Variants in CASKIN1 observed in about 807,000 individuals in gnomAD.
The protein encoded by CASKIN1 is CASK interacting protein 1.
In CASKIN1, 42 loss-of-function variants were observed where a neutral mutation model predicts 117.5. The observed-to-expected ratio is 0.36, with a 90% CI of 0.28 to 0.46. The LOEUF (loss-of-function observed/expected upper bound fraction) is 0.46, where lower values mean the gene tolerates loss of function less well. CASKIN1 is among the 20% of genes least tolerant of loss of function. CASKIN1 has a pLI of 1.00. For missense variants in CASKIN1, 2,083 were observed against 2,077.3 expected (o/e 1.00, Z -0.05); for synonymous variants, 1,148 against 961.7 (o/e 1.19, Z -3.59).
At position 2,178,466 on chromosome 16, in the gene CASKIN1, C is replaced by T; in HGVS notation, c.*84G>A. ...CAGGGCCCTGCCCGGCCGCTCGCGC[C>T]GCGCCCAGACGCGCCCATCCTGAGG... On this transcript the variant is annotated 3_prime_UTR_variant, in exon 20 of 20. Transcript: ENST00000343516. 4 of 1,119,332 alleles carry T rather than the reference C, an allele frequency of 3.6e-6. No individual in the cohort carries two copies. The highest frequency in any genetic ancestry group is 3.2e-5 in the East Asian group (1 of 31,246). 69.3% of individuals were successfully genotyped at this position (1,119,332 alleles called of 1,614,324 possible).
Position 2,180,740 on chromosome 16 carries a change from G to C in CASKIN1, c.2628C>G (p.Pro876=). ...GATTCAGGCTGTGGGCCCGCTTCTT[G>C]GGCCGCCCCGGCTCCGCGTCGGCCT... is the stretch of plus-strand genomic sequence containing the variant. ...PPEADAEPGR[P]KKRAHSLNRY... Residue 876 remains proline, a synonymous_variant, in exon 18 of 20, where the codon CCC becomes CCG. Transcript: ENST00000343516. The C allele has an allele frequency of 2.8e-6, 4 of 1,442,492 alleles. No homozygotes were observed. Among genetic ancestry groups the C allele is most frequent in the Non-Finnish European group, 3.6e-6 (4 of 1,105,464 alleles). 89.4% of individuals were successfully genotyped at this position (1,442,492 alleles called of 1,614,324 possible). A position where few individuals can be genotyped will look rare whatever the true frequency, so the allele number is the denominator to read the frequency against.
rs774292421 is a variant in CASKIN1 at position 2,178,031 on chromosome 16, C to T, written c.*519G>A. 1.8e-5 allele frequency: 8 copies of T among 444,736 alleles called. No homozygotes were observed. Among genetic ancestry groups the T allele is most frequent in the African/African-American group, 4.1e-5 (2 of 48,350 alleles). The allele number at this position is 444,736 out of a possible 1,614,324, so 27.5% of individuals were successfully genotyped here. ...GTTTTCTATAGAATCAATAATATTT[C>T]TTTCTTTAAATATATATTTGTTAAA... On this transcript the variant is annotated 3_prime_UTR_variant, in exon 20 of 20. Coordinates refer to ENST00000343516, the MANE Select transcript of CASKIN1 (RefSeq NM_020764.4).
chr16:2,187,336 CT>C lies in CASKIN1; in HGVS notation c.726+16del. 6.2e-7 allele frequency: 1 copy of C among 1,613,350 alleles called. No individual in the cohort carries two copies. Among genetic ancestry groups the C allele is most frequent in the African/African-American group, 1.3e-5 (1 of 75,070 alleles). ...CTACAGTCCACTGGGCCCAGCGCCC[CT>C]GGGCCCCACACTCACATCCAGCAGC... On this transcript the variant is annotated intron_variant, in intron 7 of 19. Transcript: ENST00000343516.
In CASKIN1 at chr16:2,184,802, T is replaced by C; in HGVS notation, c.1391A>G (p.Lys464Arg). The C allele has an allele frequency of 1.3e-6, 2 of 1,534,764 alleles. No individual in the cohort carries two copies. The highest frequency in any genetic ancestry group is 2.3e-5 in the East Asian group (1 of 43,840). ...CTTGCCCTCCGATGCTGGCTCCAGC[T>C]TCTTGGGCGGCTGCTCCCCATAGAC... Reference protein sequence around the residue: ...GQVYGEQPPKKLEPASEGKSS... With the variant: ...GQVYGEQPPKRLEPASEGKSS... The change falls in exon 14 of 20, where the codon AAG becomes AGG. Residue 464 changes from lysine to arginine, a missense_variant. Transcript: ENST00000343516.
In CASKIN1 at chr16:2,183,953, A is replaced by G. The variant is rs758212025; in HGVS notation, c.1417-12T>C. ...ACGGCCTCAGAGCTCTGGAAGACAC[A>G]AGGCACCCACTGCAGGCTCGCCTGC... On this transcript the variant is annotated splice_polypyrimidine_tract_variant and intron_variant, in intron 14 of 19. Transcript: ENST00000343516. 38 of 1,571,414 alleles carry G rather than the reference A, an allele frequency of 2.4e-5. No individual in the cohort carries two copies. The highest frequency in any genetic ancestry group is 5.2e-5 in the Admixed American group (3 of 57,878).
chr16:2,186,102 G>A (rs1332397831), intron 10 of CASKIN1, among the ~76,000 whole-genome samples: 4 of 152,036 alleles, frequency 2.6e-5, no homozygotes, highest in African/African-American at 9.7e-5. Context: ...CTCCCAAGTC[G>A]CTGGGGCCAT....
chr16:2,180,745 G>A lies in CASKIN1; in HGVS notation c.2623C>T (p.Arg875Trp), dbSNP rs770703830. The change falls in exon 18 of 20, where the codon CGG becomes TGG. Residue 875 changes from arginine (R) to tryptophan (W), a missense_variant. Coordinates refer to ENST00000343516, the MANE Select transcript of CASKIN1 (RefSeq NM_020764.4). ...AGGCTGTGGGCCCGCTTCTTGGGCCGCCCCGGCTCCGCGTCGGCCTCAGGG... is the reference window on the plus strand; with the variant it reads ...AGGCTGTGGGCCCGCTTCTTGGGCCACCCCGGCTCCGCGTCGGCCTCAGGG... ...LPPEADAEPG[R>W]PKKRAHSLNR... is the part of the protein sequence containing the mutation. 11 of 1,441,120 alleles carry A rather than the reference G, an allele frequency of 7.6e-6. No individual in the cohort carries two copies. Among genetic ancestry groups the A allele is most frequent in the South Asian group, 4.3e-5 (3 of 69,000 alleles). The allele number at this position is 1,441,120 out of a possible 1,614,324, so 89.3% of individuals were successfully genotyped here.
At chr16:2,181,768 G>T (rs745898155) in intron 17 of CASKIN1, 23 bp downstream of exon 17, 4 of 1,608,530 alleles carry the variant, frequency 2.5e-6, no homozygotes, top group South Asian at 2.2e-5. Flanking sequence ...GGCTGGGGAC[G>T]AGGGCTGGGG....
intron 3 of CASKIN1, 66 bp from the exon 4 acceptor site, chr16:2,189,630 G>C: frequency 1.3e-6 from 2 of 1,512,156 alleles, no homozygotes; most frequent in Non-Finnish European, 1.8e-6. Flanking sequence ...GGATAGGGGG[G>C]TGCTGGGACC....
chr16:2,193,236 C>T (rs1490511728), intron 1 of CASKIN1, among the ~76,000 whole-genome samples: 11 of 152,136 alleles, frequency 7.2e-5, no homozygotes, highest in Non-Finnish European at 1.3e-4. Context: ...AGGCTGGTCT[C>T]GAACTCCCGA....
At chr16:2,184,527 TCACA>T (rs201752623) in intron 14 of CASKIN1, among the ~76,000 whole-genome samples, 2 of 151,694 alleles carry the variant, frequency 1.3e-5, no homozygotes, top group Non-Finnish European at 2.9e-5. Context: ...AGTCCCACCA[TCACA>T]CACACACACG....
At position 2,177,525 on chromosome 16, in the gene CASKIN1, G is replaced by A; in HGVS notation, c.*1025C>T. ...TTCTTGGAGGGGGCAGGAGGAGAGAGGAAAAGGGAGGGCGAGAATGACCAC... is the reference window on the plus strand; with the variant it reads ...TTCTTGGAGGGGGCAGGAGGAGAGAAGAAAAGGGAGGGCGAGAATGACCAC... On this transcript the variant is annotated 3_prime_UTR_variant, in exon 20 of 20. Transcript: ENST00000343516. The A allele has an allele frequency of 4.3e-6, 1 of 234,190 alleles. No individual in the cohort carries two copies. Among genetic ancestry groups the A allele is most frequent in the African/African-American group, 2.2e-5 (1 of 45,398 alleles). 14.5% of individuals were successfully genotyped at this position (234,190 alleles called of 1,614,324 possible).
At position 2,179,842 on chromosome 16, in the gene CASKIN1, T is replaced by G; in HGVS notation, c.3526A>C (p.Thr1176Pro). The G allele has an allele frequency of 6.2e-7, 1 of 1,604,010 alleles. No individual in the cohort carries two copies. The highest frequency in any genetic ancestry group is 8.5e-7 in the Non-Finnish European group (1 of 1,176,518). The change falls in exon 18 of 20, where the codon ACC (threonine) becomes CCC (proline). Residue 1176 changes from threonine to proline, a missense_variant. Around this residue, in one of 3 missense-constraint regions of CASKIN1, gnomAD observed 1,818 missense variants for 1,688.9 expected, o/e 1.08. Transcript: ENST00000343516. This position sits in a 1 kb window ranked among gnomAD's most constrained non-coding sequence, Gnocchi z 5.8. The part of the protein sequence containing the change: ...PLSVYHNGTG[T>P]VRRRPASEQA... Reference sequence around the variant, plus strand: ...TCCGAGGCCGGTCGGCGGCGCACGGTGCCAGTGCCATTATGGTACACGGAC... The same window carrying G: ...TCCGAGGCCGGTCGGCGGCGCACGGGGCCAGTGCCATTATGGTACACGGAC...
intron 1 of CASKIN1, 119 bp from the exon 2 acceptor site, chr16:2,190,477 C>G: frequency 1.1e-6 from 1 of 878,306 alleles, no homozygotes; most frequent in East Asian, 2.6e-5. Flanking sequence ...GGCTCTCAGT[C>G]TGCAGACACT....
rs751395403 is a variant in CASKIN1 at position 2,184,827 on chromosome 16, C to T, written c.1366G>A (p.Val456Ile). Residue 456 changes from valine (V) to isoleucine (I), a missense_variant, in exon 14 of 20, where the codon GTC becomes ATC. Coordinates refer to ENST00000343516, the MANE Select transcript of CASKIN1 (RefSeq NM_020764.4). ...TTCTTGGGCGGCTGCTCCCCATAGA[C>T]CTGCCCGGCGTGGGCCACTGGAGGC... ...SQPPVAHAGQ[V>I]YGEQPPKKLE... 1.3e-6 allele frequency: 2 copies of T among 1,557,454 alleles called. No individual in the cohort carries two copies. Among genetic ancestry groups the T allele is most frequent in the South Asian group, 1.2e-5 (1 of 84,150 alleles).
In CASKIN1 at chr16:2,180,775, G is replaced by A. The variant is rs1170578509; in HGVS notation, c.2593C>T (p.Leu865=). Residue 865 remains leucine (L), a synonymous_variant, in exon 18 of 20, where the codon CTG becomes TTG. Coordinates refer to ENST00000343516, the MANE Select transcript of CASKIN1 (RefSeq NM_020764.4). ...GGCTCCGCGTCGGCCTCAGGGGGCA[G>A]GCACAGTGTGGGCACAGCCGTCGGC... ...PVPTAVPTLC[L]PPEADAEPGR... The A allele has an allele frequency of 1.4e-6, 2 of 1,428,150 alleles. No homozygotes were observed. Among genetic ancestry groups the A allele is most frequent in the Admixed American group, 3.0e-5 (1 of 33,596 alleles). The allele number at this position is 1,428,150 out of a possible 1,614,324, so 88.5% of individuals were successfully genotyped here.
chr16:2,186,681 GC>G (rs758171632), intron 10 of CASKIN1, 25 bp downstream of exon 10: 16 of 1,594,028 alleles, frequency 1.0e-5, no homozygotes, highest in South Asian at 3.3e-5. Context: ...GCTCCTGCCT[GC>G]CCCCCAGGGT....
At chr16:2,185,466 G>A in intron 10 of CASKIN1, 58 bp from the exon 11 acceptor site, 1 of 1,425,848 alleles carries the variant, frequency 7.0e-7, no homozygotes, top group Non-Finnish European at 9.5e-7. Context: ...TACTGACGCA[G>A]GGGAGGCAGG....
rs552937034 is a variant in CASKIN1, at chr16:2,185,664, C to T, written c.1049-256G>A. ...GGGCAGGGGGCCAGAGATTGCTGGA[C>T]GGTATGAAAGTCTCTGTACTGGGGA... is the stretch of plus-strand genomic sequence containing the variant. On this transcript the variant is annotated intron_variant, in intron 10 of 19. Transcript: ENST00000343516. Among the ~76,000 whole-genome samples, 17 of 152,324 alleles carry T rather than the reference C, an allele frequency of 1.1e-4. 1 individual carries two copies. Among genetic ancestry groups the T allele is most frequent in the African/African-American group, 2.2e-4 (9 of 41,574 alleles).
Sources: gnomAD v4.1 joint callset for allele counts (sites outside exome capture counted in the v4.1 genomes callset) on GRCh38, gnomAD v4.1.1 for gene constraint, gnomAD v4.1.1 regional missense constraint, Gnocchi (gnomAD v3.1) non-coding constraint, MANE v1.5 for transcripts, NCBI Gene and HGNC (gene_info 2026-07-23, HGNC 2026-07-21) for gene names.